Variants in ZNF131 observed in about 807,000 individuals in gnomAD.
ZNF131 encodes the protein zinc finger and BTB domain containing 35, also known as zinc finger protein 131.
In ZNF131, 7 loss-of-function variants were observed where a neutral mutation model predicts 60.0. The observed-to-expected ratio is 0.12, with a 90% CI of 0.07 to 0.22. The LOEUF (loss-of-function observed/expected upper bound fraction) is 0.22. ZNF131 is among the 10% of genes least tolerant of loss of function. The pLI is 1.00. For missense variants in ZNF131, 493 were observed against 740.9 expected (o/e 0.67, Z 3.88); for synonymous variants, 257 against 253.2 (o/e 1.01, Z -0.14).
rs150204731 is a variant in ZNF131 at position 43,135,970 on chromosome 5, G to A, written c.227-3195G>A. Among the ~76,000 whole-genome samples, 1,193 of 152,036 alleles carry A rather than the reference G, an allele frequency of 7.8e-3. 18 individuals carry two copies. Among genetic ancestry groups the A allele is most frequent in the African/African-American group, 0.028 (1,141 of 41,472 alleles). On this transcript the variant is annotated intron_variant, in intron 3 of 6. Transcript: ENST00000682664. The stretch of plus-strand genomic sequence containing the variant: ...TCTCTACTAAAAATATAAAAATTAG[G>A]TGGGTATGGTGGTGCGTGCCTGTAG...
intron 4 of ZNF131, among the ~76,000 whole-genome samples, chr5:43,156,291 T>G (rs1748956901): frequency 6.6e-6 from 1 of 152,206 alleles, no homozygotes; most frequent in South Asian, 2.1e-4. Context: ...GGCACCTTAA[T>G]CTGACATAGC....
intron 5 of ZNF131, among the ~76,000 whole-genome samples, chr5:43,170,379 A>T (rs1408434994): frequency 6.6e-6 from 1 of 151,946 alleles, no homozygotes; most frequent in African/African-American, 2.4e-5. Context: ...CACATCTAGG[A>T]CCTCCTCATT....
intron 5 of ZNF131, among the ~76,000 whole-genome samples, chr5:43,171,881 A>G (rs1034604040): frequency 2.0e-5 from 3 of 152,090 alleles, no homozygotes; most frequent in Non-Finnish European, 2.9e-5. Context: ...CGGCCTCCCA[A>G]AGTGCTGGGA....
intron 5 of ZNF131, among the ~76,000 whole-genome samples, chr5:43,171,055 G>A (rs971544046): frequency 7.0e-6 from 1 of 142,546 alleles, no homozygotes; most frequent in South Asian, 2.3e-4. Flanking sequence ...AGTGATTCTC[G>A]TACCTCAGCC....
chr5:43,156,184 G>T (rs1317190939), intron 4 of ZNF131, among the ~76,000 whole-genome samples: 5 of 152,176 alleles, frequency 3.3e-5, no homozygotes, highest in Non-Finnish European at 7.3e-5. Flanking sequence ...ACAAGGTCAG[G>T]ATAGCGTCCC....
chr5:43,162,033 A>T, intron 5 of ZNF131, 102 bp downstream of exon 5: 1 of 1,103,266 alleles, frequency 9.1e-7, no homozygotes, highest in Non-Finnish European at 1.3e-6. Context: ...AAGCCATCTC[A>T]TGTATTATCT....
At position 43,150,869 on chromosome 5, in the gene ZNF131, C is replaced by T. The variant is rs539797027; in HGVS notation, c.372-10380C>T. On this transcript the variant is annotated intron_variant, in intron 4 of 6. Coordinates refer to ENST00000682664, the MANE Select transcript of ZNF131 (RefSeq NM_001330707.2). The stretch of plus-strand genomic sequence containing the variant: ...TAAGGATTTATTGAAGTCAACAGAA[C>T]TTCAAGCAGCAGGATTTGGGCACCC... Among the ~76,000 whole-genome samples, 3 of 152,304 alleles carry T rather than the reference C, an allele frequency of 2.0e-5. No individual in the cohort carries two copies. In the East Asian group the frequency reaches 5.8e-4, roughly 29 times the overall value.
intron 3 of ZNF131, among the ~76,000 whole-genome samples, chr5:43,127,874 T>C (rs1422010385): frequency 1.3e-5 from 2 of 152,262 alleles, no homozygotes; most frequent in African/African-American, 4.8e-5. Context: ...ATTCTTTTTC[T>C]ACTTCACCTG....
At chr5:43,148,478 C>T (rs1412523242) in intron 4 of ZNF131, among the ~76,000 whole-genome samples, 1 of 152,212 alleles carries the variant, frequency 6.6e-6, no homozygotes, top group East Asian at 1.9e-4. Flanking sequence ...GTTTTTTAAA[C>T]TTTAGGTCAG....
intron 6 of ZNF131, among the ~76,000 whole-genome samples, chr5:43,173,913 A>C (rs548978935): frequency 6.6e-6 from 1 of 152,338 alleles, no homozygotes; most frequent in Non-Finnish European, 1.5e-5. Context: ...CAATGAAGGC[A>C]GTATTGAAAT....
chr5:43,131,032 T>A (rs1278521578), intron 3 of ZNF131, among the ~76,000 whole-genome samples: 1 of 151,592 alleles, frequency 6.6e-6, no homozygotes, highest in Non-Finnish European at 1.5e-5. Flanking sequence ...ACCTGGCCAA[T>A]TTTTGTATTT....
chr5:43,128,075 T>C (rs1316092851), intron 3 of ZNF131, among the ~76,000 whole-genome samples: 1 of 152,208 alleles, frequency 6.6e-6, no homozygotes, highest in African/African-American at 2.4e-5. Context: ...TCCCTTTTAC[T>C]CCTTTCTAAG....
intron 4 of ZNF131, among the ~76,000 whole-genome samples, chr5:43,159,757 TC>T (rs1451190033): frequency 6.6e-6 from 1 of 152,108 alleles, no homozygotes; most frequent in Non-Finnish European, 1.5e-5. Context: ...ACTATTTTCT[TC>T]TGGCCTGTGG....
rs909163247 is a variant in ZNF131, at chr5:43,129,083, C to T, written c.226+5773C>T. 1.8e-4 allele frequency among the ~76,000 whole-genome samples: 27 copies of T among 152,106 alleles called. 1 individual carries two copies. The highest frequency in any genetic ancestry group is 6.5e-4 in the African/African-American group (27 of 41,398). ...CAAGTAGCTGGAATTAAGGCTCCCA[C>T]CACCATGCCCAGCTAATATTTTTTG... On this transcript the variant is annotated intron_variant, in intron 3 of 6. Transcript: ENST00000682664.
chr5:43,122,277 C>G, intron 2 of ZNF131, 100 bp downstream of exon 2: 1 of 1,325,972 alleles, frequency 7.5e-7, no homozygotes, highest in Non-Finnish European at 1.0e-6. Context: ...TTTAACCCAT[C>G]CTCTATGGTC....
At chr5:43,173,750 C>G (rs1561454309) in intron 6 of ZNF131, among the ~76,000 whole-genome samples, 1 of 151,614 alleles carries the variant, frequency 6.6e-6, no homozygotes, top group African/African-American at 2.4e-5. Context: ...ATTAGATTCC[C>G]CCCCCATGAT....
At chr5:43,147,037 A>G (rs1224168072) in intron 4 of ZNF131, among the ~76,000 whole-genome samples, 1 of 152,126 alleles carries the variant, frequency 6.6e-6, no homozygotes, top group African/African-American at 2.4e-5. Context: ...CCAGGCAATC[A>G]TTGATCTGAT....
At chr5:43,171,489 A>G (rs1361816450) in intron 5 of ZNF131, among the ~76,000 whole-genome samples, 2 of 152,130 alleles carry the variant, frequency 1.3e-5, no homozygotes, top group Non-Finnish European at 2.9e-5. Context: ...TCTCACTAAC[A>G]TGGTGAAACT....
intron 5 of ZNF131, among the ~76,000 whole-genome samples, chr5:43,166,106 A>G (rs188985667): frequency 6.6e-6 from 1 of 152,264 alleles, no homozygotes; most frequent in East Asian, 1.9e-4. Flanking sequence ...GGCTAAAGGG[A>G]ATGTTTGTTT....
Sources: allele counts gnomAD v4.1 joint callset (sites outside exome capture counted in the v4.1 genomes callset), GRCh38; gene constraint gnomAD v4.1.1; transcripts MANE v1.5; gene names NCBI Gene and HGNC (gene_info 2026-07-23, HGNC 2026-07-21).